The following EIPR1 variants were observed in gnomAD, a reference collection of about 807,000 sequenced individuals.
The protein encoded by EIPR1 is EARP complex and GARP complex interacting protein 1, also known as EARP and GARP complex-interacting protein 1.
Under a neutral mutation model 48.1 loss-of-function variants are expected in EIPR1, and 25 were observed. That is an observed-to-expected ratio of 0.52 (90% CI 0.38 to 0.73). EIPR1 has a LOEUF of 0.73. Ranked by LOEUF, EIPR1 falls within the 30% of genes least tolerant of loss-of-function variation. The pLI is 0.00. For missense variants in EIPR1, 415 were observed against 506.2 expected, an observed-to-expected ratio of 0.82 and a Z score of 1.73; for synonymous variants, 204 against 201.9, an observed-to-expected ratio of 1.01 and a Z score of -0.09.
intron 8 of EIPR1, among the ~76,000 whole-genome samples, chr2:3,190,076 C>T (rs1473448795): frequency 1.3e-5 from 2 of 152,082 alleles, no homozygotes; most frequent in Non-Finnish European, 2.9e-5. Context: ...GTGGGAGCAG[C>T]AGAGGCGTGA....
chr2:3,342,513 G>A (rs1348642399), intron 2 of EIPR1, among the ~76,000 whole-genome samples: 6 of 152,250 alleles, frequency 3.9e-5, no homozygotes, highest in Admixed American at 1.3e-4. Context: ...ACAGTGCAGC[G>A]TGGCCCCCAA....
chr2:3,308,519 G>T (rs186097811), intron 3 of EIPR1, among the ~76,000 whole-genome samples: 1 of 152,078 alleles, frequency 6.6e-6, no homozygotes, highest in Non-Finnish European at 1.5e-5. Flanking sequence ...AAAAAAAAAT[G>T]AACAGCCTCA....
intron 3 of EIPR1, among the ~76,000 whole-genome samples, chr2:3,270,298 G>A (rs967801929): frequency 1.3e-5 from 2 of 152,196 alleles, no homozygotes; most frequent in Non-Finnish European, 2.9e-5. Context: ...CTGCTCCATG[G>A]ATGCCAACAC....
At chr2:3,308,125 A>G (rs1669008143) in intron 3 of EIPR1, among the ~76,000 whole-genome samples, 1 of 152,220 alleles carries the variant, frequency 6.6e-6, no homozygotes. Context: ...CCACTTGCAC[A>G]GACTGTGGGG....
At chr2:3,219,047 C>G (rs1224768375) in intron 4 of EIPR1, among the ~76,000 whole-genome samples, 134 of 109,850 alleles carry the variant, frequency 1.2e-3, no homozygotes, top group South Asian at 2.1e-3. Flanking sequence ...TTCACAGTGA[C>G]TCAGGTGCAC....
At chr2:3,368,051 A>G (rs963342533) in intron 1 of EIPR1, among the ~76,000 whole-genome samples, 21 of 152,198 alleles carry the variant, frequency 1.4e-4, no homozygotes, top group Non-Finnish European at 2.5e-4. Context: ...TCAAAAAAAG[A>G]AAAAAGAAAA....
intron 6 of EIPR1, 140 bp downstream of exon 6, chr2:3,196,741 A>C: frequency 7.7e-7 from 1 of 1,296,202 alleles, no homozygotes; most frequent in Non-Finnish European, 1.0e-6. Context: ...ATGAAGATTT[A>C]TGATTTCCTA....
At chr2:3,278,773 G>A (rs550444265) in intron 3 of EIPR1, among the ~76,000 whole-genome samples, 22 of 152,216 alleles carry the variant, frequency 1.4e-4, no homozygotes, top group South Asian at 1.2e-3. Context: ...CAAGCAGATG[G>A]AAGGCCATGT....
At chr2:3,237,500 T>C (rs1237920239) in intron 4 of EIPR1, among the ~76,000 whole-genome samples, 1 of 152,200 alleles carries the variant, frequency 6.6e-6, no homozygotes, top group African/African-American at 2.4e-5. Context: ...TTATACTTTA[T>C]CGTATGTATT....
chr2:3,330,759 T>C (rs1371589765), intron 3 of EIPR1, among the ~76,000 whole-genome samples: 2 of 143,052 alleles, frequency 1.4e-5, no homozygotes, highest in East Asian at 4.3e-4. Flanking sequence ...ACTCGTGAGA[T>C]GGTGTGAGCA....
chr2:3,287,266 C>CTCGT (rs1668218321), intron 3 of EIPR1, among the ~76,000 whole-genome samples: 1 of 148,448 alleles, frequency 6.7e-6, no homozygotes, highest in African/African-American at 2.5e-5. Flanking sequence ...CTCCAGAAAG[C>CTCGT]TCATTCACCA....
intron 5 of EIPR1, among the ~76,000 whole-genome samples, chr2:3,203,481 C>T (rs1665118571): frequency 6.6e-6 from 1 of 152,234 alleles, no homozygotes; most frequent in Non-Finnish European, 1.5e-5. Flanking sequence ...CAGACCAGGC[C>T]AGGAGGCCGG....
chr2:3,203,191 T>C (rs1344612691), intron 5 of EIPR1, among the ~76,000 whole-genome samples: 1 of 152,236 alleles, frequency 6.6e-6, no homozygotes, highest in African/African-American at 2.4e-5. Context: ...TGTACAATGT[T>C]TTAAAAGCTA....
chr2:3,377,584 A>C (rs1659938199), intron 1 of EIPR1, 64 bp downstream of exon 1: 1 of 1,547,672 alleles, frequency 6.5e-7, no homozygotes, highest in African/African-American at 1.4e-5. Context: ...CGAAGTCACC[A>C]TGGGACCGCG....
Position 3,248,877 on chromosome 2 carries a change from C to T in EIPR1, c.416+8422G>A, listed in dbSNP as rs145758247. ...TGCACTGGGCCCCTTTCACCTTCCA[C>T]AATGATTGTAAGTTTCCTAAAGAAT... On this transcript the variant is annotated intron_variant, in intron 4 of 8. Transcript: ENST00000382125. 1.8e-4 allele frequency among the ~76,000 whole-genome samples: 28 copies of T among 152,340 alleles called. No homozygotes were observed. The East Asian group carries it at 5.0e-3, about 27-fold the overall frequency.
At chr2:3,277,213 C>G (rs963639605) in intron 3 of EIPR1, among the ~76,000 whole-genome samples, 5 of 150,894 alleles carry the variant, frequency 3.3e-5, no homozygotes, top group African/African-American at 9.9e-5. Flanking sequence ...TCCACCCACA[C>G]GGCCCCGCAC....
intron 1 of EIPR1, among the ~76,000 whole-genome samples, chr2:3,360,383 G>A (rs552002264): frequency 3.4e-5 from 5 of 149,038 alleles, no homozygotes; most frequent in Admixed American, 2.7e-4. Flanking sequence ...CAGCCTAGGC[G>A]ACAAGAGTGA....
intron 3 of EIPR1, among the ~76,000 whole-genome samples, chr2:3,273,758 C>T (rs1227372385): frequency 6.6e-6 from 1 of 152,178 alleles, no homozygotes; most frequent in Non-Finnish European, 1.5e-5. Context: ...AATGCACCCA[C>T]AGGCCAGCCC....
chr2:3,377,365 T>C, intron 1 of EIPR1: 1 of 395,130 alleles, frequency 2.5e-6, no homozygotes. Flanking sequence ...GGCGTGTAAA[T>C]AAATGAGTCC....
Sources: allele counts gnomAD v4.1 joint callset (sites outside exome capture counted in the v4.1 genomes callset), GRCh38; gene constraint gnomAD v4.1.1; transcripts MANE v1.5; gene names NCBI Gene and HGNC (gene_info 2026-07-23, HGNC 2026-07-21).